ARHGAP28: variants seen among roughly 807,000 people sequenced by gnomAD.
ARHGAP28 encodes rho GTPase-activating protein 28.
Under a neutral mutation model 90.7 loss-of-function variants are expected in ARHGAP28, and 56 were observed. The ratio of observed to expected loss-of-function variants is 0.62; its 90% CI spans 0.50 to 0.77. The LOEUF (loss-of-function observed/expected upper bound fraction) is 0.77. Ranked by LOEUF, ARHGAP28 falls within the 30% of genes least tolerant of loss-of-function variation. ARHGAP28 has a pLI of 0.00. For synonymous variants in ARHGAP28, 308 were observed against 323.3 expected, an observed-to-expected ratio of 0.95 and a Z score of 0.51; for missense variants, 869 against 900.9, an observed-to-expected ratio of 0.96 and a Z score of 0.45.
At chr18:6,839,386 C>T (rs536337287) in intron 3 of ARHGAP28, among the ~76,000 whole-genome samples, 53 of 151,760 alleles carry the variant, frequency 3.5e-4, no homozygotes, top group Non-Finnish European at 4.4e-4. Flanking sequence ...CTCCGCCTCC[C>T]GGGTTCACGC....
chr18:6,907,952 A>G (rs137956882), intron 16 of ARHGAP28, among the ~76,000 whole-genome samples: 1 of 152,200 alleles, frequency 6.6e-6, no homozygotes, highest in Non-Finnish European at 1.5e-5. Context: ...TGGAGAGGCC[A>G]GGACAATCAT....
In ARHGAP28 at chr18:6,889,933, A is replaced by C. The variant is rs1567984063; in HGVS notation, c.1582A>C (p.Asn528His). The C allele has an allele frequency of 1.9e-6, 3 of 1,614,220 alleles. No homozygotes were observed. Among genetic ancestry groups the C allele is most frequent in the Non-Finnish European group, 8.5e-7 (1 of 1,180,038 alleles). Residue 528 changes from asparagine to histidine, a missense_variant, in exon 13 of 18, where the codon AAC (asparagine) becomes CAC (histidine). By Grantham distance (68) the Asn-to-His change is moderately conservative. Coordinates refer to ENST00000383472, the MANE Select transcript of ARHGAP28 (RefSeq NM_001366230.1). ...FNKVIANESKNRMSLWNISTV... is the reference protein window; with the variant it reads ...FNKVIANESKHRMSLWNISTV... ...TAAAGTGATTGCCAATGAATCAAAAAACCGAATGAGTCTGTGGAACATTTC... is the reference window on the plus strand; with the variant it reads ...TAAAGTGATTGCCAATGAATCAAAACACCGAATGAGTCTGTGGAACATTTC...
intron 3 of ARHGAP28, among the ~76,000 whole-genome samples, chr18:6,846,337 T>C (rs961812780): frequency 2.6e-5 from 4 of 152,154 alleles, no homozygotes; most frequent in African/African-American, 9.7e-5. Context: ...TTTCTTTTTA[T>C]GTTACATAGA....
chr18:6,853,957 C>T (rs185395442), intron 4 of ARHGAP28, among the ~76,000 whole-genome samples: 20 of 152,306 alleles, frequency 1.3e-4, no homozygotes, highest in East Asian at 9.6e-4. Context: ...CACCCTGAGA[C>T]GGTGTCATGG....
chr18:6,907,318 A>C (rs891036629), intron 16 of ARHGAP28, among the ~76,000 whole-genome samples: 4 of 152,056 alleles, frequency 2.6e-5, no homozygotes, highest in Non-Finnish European at 5.9e-5. Flanking sequence ...TTTATCCCAA[A>C]GAAATGAAGA....
intron 1 of ARHGAP28, among the ~76,000 whole-genome samples, chr18:6,806,810 G>C (rs2056522217): frequency 6.6e-6 from 1 of 152,020 alleles, no homozygotes; most frequent in East Asian, 1.9e-4. Flanking sequence ...TGCTGCTGCT[G>C]AATCTTTCAT....
At chr18:6,830,388 T>A (rs2056705929) in intron 2 of ARHGAP28, among the ~76,000 whole-genome samples, 1 of 152,130 alleles carries the variant, frequency 6.6e-6, no homozygotes, top group Non-Finnish European at 1.5e-5. Context: ...GCAATTTTGT[T>A]ACACAGATAT....
intron 1 of ARHGAP28, among the ~76,000 whole-genome samples, chr18:6,773,332 G>T (rs1158842939): frequency 1.3e-5 from 2 of 152,134 alleles, no homozygotes; most frequent in Non-Finnish European, 2.9e-5. Context: ...GGAGAGAAGA[G>T]AAGAAATAAA....
chr18:6,780,780 T>C (rs1253625466), intron 1 of ARHGAP28, among the ~76,000 whole-genome samples: 1 of 151,622 alleles, frequency 6.6e-6, no homozygotes. Context: ...TAATGCCAGC[T>C]ACTCACGAGG....
chr18:6,842,726 C>T (rs760680306), intron 3 of ARHGAP28, among the ~76,000 whole-genome samples: 1 of 152,108 alleles, frequency 6.6e-6, no homozygotes, highest in Non-Finnish European at 1.5e-5. Flanking sequence ...TCTCCCAGAA[C>T]TCTCCTGTGA....
chr18:6,820,435 C>G (rs1021584241), intron 1 of ARHGAP28, among the ~76,000 whole-genome samples: 1 of 152,006 alleles, frequency 6.6e-6, no homozygotes. Flanking sequence ...CATCAAACAG[C>G]CTGACAGTCA....
intron 1 of ARHGAP28, among the ~76,000 whole-genome samples, chr18:6,748,567 G>A (rs1188124757): frequency 2.0e-5 from 3 of 152,158 alleles, no homozygotes; most frequent in Non-Finnish European, 2.9e-5. Flanking sequence ...AAAGCTGATG[G>A]AGGAGAGGCT....
At chr18:6,858,516 T>C (rs1365480952) in intron 4 of ARHGAP28, among the ~76,000 whole-genome samples, 2 of 151,786 alleles carry the variant, frequency 1.3e-5, no homozygotes, top group East Asian at 1.9e-4. Context: ...GGGAGGTAGA[T>C]TGTCAGTTCA....
intron 2 of ARHGAP28, among the ~76,000 whole-genome samples, chr18:6,827,396 C>T (rs1600221066): frequency 7.1e-6 from 1 of 140,910 alleles, no homozygotes; most frequent in East Asian, 2.2e-4. Flanking sequence ...CGAGATGGGG[C>T]GGCTGGCCGG....
chr18:6,827,342 C>T lies in ARHGAP28; in HGVS notation c.325+2378C>T, dbSNP rs1281076611. Among the ~76,000 whole-genome samples the T allele has an allele frequency of 1.3e-4, 19 of 146,740 alleles. 1 individual carries two copies. Among genetic ancestry groups the T allele is most frequent in the African/African-American group, 2.5e-4 (10 of 39,556 alleles). ...CTGAACCCTCCACCTCCCTCCCGGACGGGGCGGCTGGCTGGGCGGAGGGTT... is the reference window on the plus strand; with the variant it reads ...CTGAACCCTCCACCTCCCTCCCGGATGGGGCGGCTGGCTGGGCGGAGGGTT... On this transcript the variant is annotated intron_variant, in intron 2 of 17. Transcript: ENST00000383472.
chr18:6,855,937 GCTCA>G (rs899628584), intron 4 of ARHGAP28, among the ~76,000 whole-genome samples: 2 of 152,248 alleles, frequency 1.3e-5, no homozygotes, highest in Non-Finnish European at 2.9e-5. Context: ...CCCTGCGCTT[GCTCA>G]CACACCCCTT....
rs767177365 is a variant in ARHGAP28, at chr18:6,824,785, G to A, written c.146G>A (p.Arg49Lys). 60 of 1,535,920 alleles carry A rather than the reference G, an allele frequency of 3.9e-5. 1 individual carries two copies. The South Asian group carries it at 6.9e-4, about 18-fold the overall frequency. Residue 49 changes from arginine (R) to lysine (K), a missense_variant, in exon 2 of 18, where the codon AGA becomes AAA. Transcript: ENST00000383472. ...LSRKSIPRCRRINRMLSNESL... is the reference protein window; with the variant it reads ...LSRKSIPRCRKINRMLSNESL... ...AGAAAATCCATTCCTCGCTGCCGAAGAATTAACAGGATGCTCTCCAATGAA... is the reference window on the plus strand; with the variant it reads ...AGAAAATCCATTCCTCGCTGCCGAAAAATTAACAGGATGCTCTCCAATGAA...
Position 6,898,564 on chromosome 18 carries a change from T to G in ARHGAP28, c.2030+1938T>G, listed in dbSNP as rs148043815. Reference sequence around the variant, plus strand: ...TTCCTCTTCACTATTGGCCTGGACATCTCCACATAGGCAGTCATATAGAGA... The same window carrying G: ...TTCCTCTTCACTATTGGCCTGGACAGCTCCACATAGGCAGTCATATAGAGA... On this transcript the variant is annotated intron_variant, in intron 16 of 17. Coordinates refer to ENST00000383472, the MANE Select transcript of ARHGAP28 (RefSeq NM_001366230.1). The G allele has an allele frequency of 1.7e-4, 271 of 1,612,820 alleles. 1 individual carries two copies. In the African/African-American group the frequency reaches 3.5e-3, roughly 21 times the overall value.
chr18:6,837,299 G>A lies in ARHGAP28; in HGVS notation c.428G>A (p.Arg143Gln), dbSNP rs377021107. ...AAAGCCTTGCTCTCCACATTGACTC[G>A]AACCCAAGCAGCTGCCGTGCAAAAG... ...DGKALLSTLT[R>Q]TQAAAVQKRY... The change falls in exon 3 of 18, where the codon CGA becomes CAA. Residue 143 changes from arginine (R) to glutamine (Q), a missense_variant. Coordinates refer to ENST00000383472, the MANE Select transcript of ARHGAP28 (RefSeq NM_001366230.1). The A allele has an allele frequency of 2.1e-5, 34 of 1,612,616 alleles. No individual in the cohort carries two copies. Among genetic ancestry groups the A allele is most frequent in the African/African-American group, 4.0e-5 (3 of 74,722 alleles).
Sources: gnomAD v4.1 joint callset for allele counts (sites outside exome capture counted in the v4.1 genomes callset) on GRCh38, gnomAD v4.1.1 for gene constraint, MANE v1.5 for transcripts, NCBI Gene and HGNC (gene_info 2026-07-23, HGNC 2026-07-21) for gene names.